ITIH3: variants seen among roughly 807,000 people sequenced by gnomAD.
ITIH3 encodes the protein inter-alpha-trypsin inhibitor heavy chain H3.
Under a neutral mutation model 96.5 loss-of-function variants are expected in ITIH3, and 81 were observed. The observed-to-expected ratio is 0.84, with a 90% CI of 0.70 to 1.01. ITIH3 has a LOEUF of 1.01. ITIH3 is among the 50% of genes least tolerant of loss of function. The pLI is 0.00. For missense variants in ITIH3, 1,057 were observed against 1,139.3 expected (o/e 0.93, Z 1.04); for synonymous variants, 422 against 445.2 (o/e 0.95, Z 0.66).
chr3:52,796,258 G>A (rs533676228), intron 2 of ITIH3, among the ~76,000 whole-genome samples: 4 of 152,162 alleles, frequency 2.6e-5, no homozygotes, highest in Non-Finnish European at 4.4e-5. Flanking sequence ...TAAACGGATC[G>A]CAGAATTAAG....
chr3:52,805,784 C>A, intron 15 of ITIH3, 24 bp from the exon 16 acceptor site: 1 of 1,613,756 alleles, frequency 6.2e-7, no homozygotes. Context: ...AGACCCTGCT[C>A]ACCACTGCCC....
Position 52,799,097 on chromosome 3 carries a change from C to G in ITIH3, c.789+6C>G. ...AATCTCCTGGCAACGTGCAGGTACC[C>G]GGGCTGGCTGATTCATCATCAGGGT... On this transcript the variant is annotated splice_donor_region_variant and intron_variant, in intron 7 of 21. Transcript: ENST00000449956. The G allele has an allele frequency of 6.2e-7, 1 of 1,613,054 alleles. No homozygotes were observed. The highest frequency in any genetic ancestry group is 8.5e-7 in the Non-Finnish European group (1 of 1,179,584).
rs765075522 is a variant in ITIH3, at chr3:52,799,367, T to C, written c.790-5T>C. ...CCGGCCTCCGTCCCTCTCCCCACTT[T>C]CCAGATAGTCAATGGCTACTTCGTG... On this transcript the variant is annotated splice_region_variant and splice_polypyrimidine_tract_variant and intron_variant, in intron 7 of 21. Transcript: ENST00000449956. 2.1e-5 allele frequency: 34 copies of C among 1,583,256 alleles called. No homozygotes were observed. The highest frequency in any genetic ancestry group is 2.7e-5 in the Non-Finnish European group (32 of 1,163,670).
Position 52,808,754 on chromosome 3 carries a change from G to A in ITIH3, c.*73G>A. The stretch of plus-strand genomic sequence containing the variant: ...ATCTGGAACATGGGCACAGAGAGGG[G>A]CCTGTGGGAGGGGCTGGGAAAATAA... On this transcript the variant is annotated 3_prime_UTR_variant, in exon 22 of 22. Coordinates refer to ENST00000449956, the MANE Select transcript of ITIH3 (RefSeq NM_002217.4). 1.3e-6 allele frequency: 2 copies of A among 1,557,150 alleles called. No homozygotes were observed. Among genetic ancestry groups the A allele is most frequent in the Non-Finnish European group, 1.8e-6 (2 of 1,133,358 alleles).
At chr3:52,796,047 G>A in intron 2 of ITIH3, 1 of 231,242 alleles carries the variant, frequency 4.3e-6, no homozygotes, top group South Asian at 9.9e-5. Flanking sequence ...CAGGAAATCA[G>A]TTCCTCTTTG....
rs2154110244 is a variant in ITIH3, at chr3:52,804,709, C to T, written c.1865-17C>T. On this transcript the variant is annotated splice_polypyrimidine_tract_variant and intron_variant, in intron 14 of 21. Transcript: ENST00000449956. The stretch of plus-strand genomic sequence containing the variant: ...TTCTAATGCATTTCTCTTCTTCCTC[C>T]CTTGCTGCACCTGCAGATGCAGAAG... 2 of 1,580,712 alleles carry T rather than the reference C, an allele frequency of 1.3e-6. No individual in the cohort carries two copies. Among genetic ancestry groups the T allele is most frequent in the Middle Eastern group, 1.7e-4 (1 of 6,014 alleles).
intron 1 of ITIH3, among the ~76,000 whole-genome samples, chr3:52,795,338 G>C (rs1024270621): frequency 6.6e-6 from 1 of 152,192 alleles, no homozygotes; most frequent in Non-Finnish European, 1.5e-5. Flanking sequence ...GGTGTGAAGA[G>C]AGCTCTGGGT....
In ITIH3 at chr3:52,806,916, G is replaced by A. The variant is rs758205748; in HGVS notation, c.2072G>A (p.Gly691Glu). 1 of 1,587,026 alleles carries A rather than the reference G, an allele frequency of 6.3e-7. No individual in the cohort carries two copies. Among genetic ancestry groups the A allele is most frequent in the Non-Finnish European group, 8.6e-7 (1 of 1,166,538 alleles). Reference protein sequence around the residue: ...QDAVTGLTVNGQITGDKRGSP... With the variant: ...QDAVTGLTVNEQITGDKRGSP... ...CCTCTGGCAGGCCTCACAGTTAATG[G>A]GCAGATCACTGGCGACAAGAGAGGC... The change falls in exon 19 of 22, where the codon GGG (glycine) becomes GAG (glutamate). Residue 691 changes from glycine to glutamate, a missense_variant. Coordinates refer to ENST00000449956, the MANE Select transcript of ITIH3 (RefSeq NM_002217.4).
Position 52,808,549 on chromosome 3 carries a change from C to T in ITIH3, c.2544-3C>T, listed in dbSNP as rs1700138227. On this transcript the variant is annotated splice_polypyrimidine_tract_variant and splice_region_variant and intron_variant, in intron 21 of 21. Coordinates refer to ENST00000449956, the MANE Select transcript of ITIH3 (RefSeq NM_002217.4). Reference sequence around the variant, plus strand: ...TATTGCAGCATCTCTCTTCTTTCCCCAGGGGCTCCCAGAAAGACTACAGAA... The same window carrying T: ...TATTGCAGCATCTCTCTTCTTTCCCTAGGGGCTCCCAGAAAGACTACAGAA... 6.2e-7 allele frequency: 1 copy of T among 1,613,230 alleles called. No individual in the cohort carries two copies. Among genetic ancestry groups the T allele is most frequent in the East Asian group, 2.2e-5 (1 of 44,836 alleles).
chr3:52,797,141 G>T lies in ITIH3; in HGVS notation c.423G>T (p.Ser141=). 1 of 1,609,496 alleles carries T rather than the reference G, an allele frequency of 6.2e-7. No individual in the cohort carries two copies. The highest frequency in any genetic ancestry group is 8.5e-7 in the Non-Finnish European group (1 of 1,178,260). ...SGRKLEKFTV[S]VNVAAGSKVT... is the part of the protein sequence containing the mutation. ...GGAAGTTGGAGAAGTTCACAGTCTC[G>T]GTCAACGTGGCTGCAGGCAGCAAAG... The change falls in exon 5 of 22, where the codon TCG becomes TCT. Residue 141 remains serine, a synonymous_variant. Transcript: ENST00000449956.
At chr3:52,795,544 C>T (rs1184289313) in intron 1 of ITIH3, 59 bp from the exon 2 acceptor site, 6 of 1,561,056 alleles carry the variant, frequency 3.8e-6, no homozygotes, top group East Asian at 2.3e-5. Context: ...CCAGGCCATG[C>T]GGCCTTGGTG....
At chr3:52,808,476 T>C (rs1434031318) in intron 21 of ITIH3, 76 bp from the exon 22 acceptor site, 12 of 1,576,136 alleles carry the variant, frequency 7.6e-6, no homozygotes, top group Non-Finnish European at 1.0e-5. Context: ...TCCCACCCTT[T>C]TTCAATCTCA....
chr3:52,808,753 G>A lies in ITIH3; in HGVS notation c.*72G>A. The stretch of plus-strand genomic sequence containing the variant: ...CATCTGGAACATGGGCACAGAGAGG[G>A]GCCTGTGGGAGGGGCTGGGAAAATA... On this transcript the variant is annotated 3_prime_UTR_variant, in exon 22 of 22. Coordinates refer to ENST00000449956, the MANE Select transcript of ITIH3 (RefSeq NM_002217.4). The A allele has an allele frequency of 6.4e-7, 1 of 1,562,730 alleles. No homozygotes were observed. The highest frequency in any genetic ancestry group is 8.8e-7 in the Non-Finnish European group (1 of 1,138,188).
chr3:52,808,338 C>T (rs762666031), intron 21 of ITIH3, 117 bp downstream of exon 21: 29 of 1,080,120 alleles, frequency 2.7e-5, no homozygotes, highest in Middle Eastern at 2.6e-4. Context: ...CCCTTGTTTC[C>T]CTTTGAGGTC....
intron 9 of ITIH3, 111 bp from the exon 10 acceptor site, chr3:52,800,427 G>C: frequency 2.3e-6 from 3 of 1,327,024 alleles, no homozygotes; most frequent in Admixed American, 4.4e-5. Context: ...GGCAGATAGG[G>C]TCCTTGGGCA....
Position 52,802,679 on chromosome 3 carries a change from C to T in ITIH3, c.1582C>T (p.Leu528=), listed in dbSNP as rs1699881772. ...DVKGHGATND[L]TFTEEVDMKE... is the part of the protein sequence containing the mutation. ...ACCCCCACCCTAGGCCACCAACGAC[C>T]TGACCTTCACAGAGGAGGTGGACAT... The change falls in exon 13 of 22, where the codon CTG becomes TTG. Residue 528 remains leucine, a synonymous_variant. Transcript: ENST00000449956. 2 of 1,613,952 alleles carry T rather than the reference C, an allele frequency of 1.2e-6. No homozygotes were observed. The highest frequency in any genetic ancestry group is 8.5e-7 in the Non-Finnish European group (1 of 1,179,872).
chr3:52,796,447 C>T lies in ITIH3; in HGVS notation c.115-34C>T, dbSNP rs772404660. ...TTGCAAACCTGCTTCTCCAGTGTCC[C>T]AGTCTGGCTGATTCTCCACCCACCT... On this transcript the variant is annotated intron_variant, in intron 2 of 21. Transcript: ENST00000449956. 1.2e-5 allele frequency: 19 copies of T among 1,598,400 alleles called. No homozygotes were observed. The South Asian group carries it at 2.0e-4, about 17-fold the overall frequency.
rs1699623237 is a variant in ITIH3, at chr3:52,797,227, A to G, written c.509A>G (p.Tyr170Cys). The change falls in exon 5 of 22, where the codon TAC (tyrosine) becomes TGC (cysteine). Residue 170 changes from tyrosine to cysteine, a missense_variant. Tyr to Cys is a radical substitution (Grantham distance 194). Coordinates refer to ENST00000449956, the MANE Select transcript of ITIH3 (RefSeq NM_002217.4). ...LKRHKGKYEM[Y>C]LKVQPKQLVK... Reference sequence around the variant, plus strand: ...AGGCACAAGGGCAAGTACGAGATGTACCTCAAGGTCCAGCCTAAGCAACTG... The same window carrying G: ...AGGCACAAGGGCAAGTACGAGATGTGCCTCAAGGTCCAGCCTAAGCAACTG... 1 of 1,607,266 alleles carries G rather than the reference A, an allele frequency of 6.2e-7. No homozygotes were observed. The highest frequency in any genetic ancestry group is 8.5e-7 in the Non-Finnish European group (1 of 1,177,240).
intron 15 of ITIH3, chr3:52,805,107 T>C (rs1200666140): frequency 1.6e-5 from 4 of 249,856 alleles, no homozygotes; most frequent in Non-Finnish European, 2.3e-5. Context: ...GTTAATTTGC[T>C]CAGTCTGTTT....
Sources: allele counts gnomAD v4.1 joint callset (sites outside exome capture counted in the v4.1 genomes callset), GRCh38; gene constraint gnomAD v4.1.1; transcripts MANE v1.5; gene names NCBI Gene and HGNC (gene_info 2026-07-23, HGNC 2026-07-21).